Variants in TTC28 observed in about 807,000 individuals in gnomAD.
TTC28 encodes tetratricopeptide repeat protein 28.
A neutral mutation model predicts 198.0 loss-of-function variants in TTC28; 61 were observed. That is an observed-to-expected ratio of 0.31 (90% CI 0.25 to 0.38). The LOEUF is 0.38. Among genes scored for constraint, TTC28 ranks in the 10% least tolerant of loss-of-function variants. TTC28 has a pLI of 1.00. For synonymous variants in TTC28, 1,171 were observed against 1,297.8 expected (o/e 0.90, Z 2.10); for missense variants, 2,678 against 3,164.0 (o/e 0.85, Z 3.69).
intron 2 of TTC28, among the ~76,000 whole-genome samples, chr22:28,586,076 T>C (rs970952213): frequency 2.1e-4 from 32 of 151,664 alleles, no homozygotes; most frequent in Admixed American, 1.1e-3. Flanking sequence ...GTCAGGAGAT[T>C]GAGACCATCC....
intron 2 of TTC28, among the ~76,000 whole-genome samples, chr22:28,462,634 T>C (rs138474677): frequency 1.2e-4 from 19 of 152,352 alleles, no homozygotes; most frequent in African/African-American, 4.1e-4. Context: ...GGAAGTTCTA[T>C]GGCTTTCCTT....
intron 6 of TTC28, among the ~76,000 whole-genome samples, chr22:28,139,138 T>C (rs1038215779): frequency 2.0e-5 from 3 of 152,182 alleles, no homozygotes; most frequent in African/African-American, 7.2e-5. Context: ...CATTTAATGA[T>C]GCCTTCTGTG....
intron 2 of TTC28, among the ~76,000 whole-genome samples, chr22:28,464,473 C>T (rs1442655344): frequency 6.6e-6 from 1 of 152,170 alleles, no homozygotes; most frequent in African/African-American, 2.4e-5. Context: ...TCAGTAGCTT[C>T]ATTTTCCTGA....
intron 14 of TTC28, among the ~76,000 whole-genome samples, chr22:28,011,338 G>A (rs539320594): frequency 2.0e-4 from 30 of 152,312 alleles, no homozygotes; most frequent in East Asian, 5.8e-4. Context: ...GTTCACGCCC[G>A]TAATGCCAAC....
At chr22:28,656,927 AC>A (rs1249753422) in intron 1 of TTC28, among the ~76,000 whole-genome samples, 2 of 152,144 alleles carry the variant, frequency 1.3e-5, no homozygotes, top group Non-Finnish European at 2.9e-5. Context: ...ACAAAAAAAA[AC>A]AGTATCTAAC....
intron 2 of TTC28, among the ~76,000 whole-genome samples, chr22:28,383,928 G>C (rs149489078): frequency 2.6e-5 from 4 of 152,192 alleles, no homozygotes; most frequent in Non-Finnish European, 5.9e-5. Context: ...CTTTACCATG[G>C]CCTTCAAACC....
intron 2 of TTC28, among the ~76,000 whole-genome samples, chr22:28,362,096 A>C (rs557823292): frequency 6.6e-6 from 1 of 152,288 alleles, no homozygotes; most frequent in East Asian, 1.9e-4. Context: ...GAAGCCCACA[A>C]ATCATGGAGT....
intron 2 of TTC28, among the ~76,000 whole-genome samples, chr22:28,547,275 C>T (rs1358930996): frequency 6.6e-6 from 1 of 151,892 alleles, no homozygotes; most frequent in Non-Finnish European, 1.5e-5. Flanking sequence ...AGTAATGCTA[C>T]AATATTCCAT....
chr22:28,213,799 C>T (rs1475200005), intron 5 of TTC28, among the ~76,000 whole-genome samples: 3 of 151,858 alleles, frequency 2.0e-5, no homozygotes, highest in Non-Finnish European at 4.4e-5. Context: ...CATATGGAAC[C>T]AAAAAAGAGC....
intron 1 of TTC28, among the ~76,000 whole-genome samples, chr22:28,670,718 T>TATATATATATATATATAC (rs2051866071): frequency 6.7e-6 from 1 of 150,030 alleles, no homozygotes; most frequent in Non-Finnish European, 1.5e-5. Flanking sequence ...TATATATATA[T>TATATATATATATATATAC]ATATATGAGT....
At chr22:28,088,001 T>G (rs969184250) in intron 12 of TTC28, among the ~76,000 whole-genome samples, 5 of 151,990 alleles carry the variant, frequency 3.3e-5, no homozygotes, top group African/African-American at 4.8e-5. Flanking sequence ...CACTGCTCAA[T>G]GAAATAAAAG....
chr22:28,655,759 G>C (rs886681535), intron 1 of TTC28, among the ~76,000 whole-genome samples: 1 of 151,770 alleles, frequency 6.6e-6, no homozygotes, highest in Admixed American at 6.6e-5. Context: ...GCTGAGGCAG[G>C]AGAATGGCGT....
intron 5 of TTC28, among the ~76,000 whole-genome samples, chr22:28,274,596 C>G (rs1037711737): frequency 2.0e-5 from 3 of 152,046 alleles, no homozygotes; most frequent in South Asian, 4.1e-4. Flanking sequence ...ACAAGGAAAA[C>G]AAAAACAATC....
intron 5 of TTC28, among the ~76,000 whole-genome samples, chr22:28,225,026 A>T (rs1241570395): frequency 6.6e-6 from 1 of 152,116 alleles, no homozygotes; most frequent in Non-Finnish European, 1.5e-5. Context: ...TAAACAGGCT[A>T]TCCATTAACA....
At chr22:28,609,713 C>T (rs535534892) in intron 2 of TTC28, among the ~76,000 whole-genome samples, 7 of 152,036 alleles carry the variant, frequency 4.6e-5, no homozygotes, top group South Asian at 2.1e-4. Context: ...ATCCCAGTGG[C>T]GCCTGGAATG....
At chr22:28,579,402 A>G (rs2050199980) in intron 2 of TTC28, among the ~76,000 whole-genome samples, 1 of 149,254 alleles carries the variant, frequency 6.7e-6, no homozygotes, top group Non-Finnish European at 1.5e-5. Context: ...ATACATATAT[A>G]ACTATACATA....
chr22:28,185,108 G>A (rs1601442180), intron 5 of TTC28, among the ~76,000 whole-genome samples: 1 of 152,190 alleles, frequency 6.6e-6, no homozygotes. Context: ...TGAATATGTG[G>A]TACTAATGTC....
At chr22:28,349,912 A>G (rs1287664626) in intron 2 of TTC28, among the ~76,000 whole-genome samples, 1 of 152,232 alleles carries the variant, frequency 6.6e-6, no homozygotes, top group East Asian at 1.9e-4. Flanking sequence ...CCGAGTGCCC[A>G]ACACTTCTAA....
At chr22:28,389,834 C>G (rs971203947) in intron 2 of TTC28, among the ~76,000 whole-genome samples, 11 of 151,408 alleles carry the variant, frequency 7.3e-5, no homozygotes, top group Non-Finnish European at 1.2e-4. Context: ...TTTTGTGTCT[C>G]TATTACCTTC....
Sources: gnomAD v4.1 joint callset for allele counts (sites outside exome capture counted in the v4.1 genomes callset) on GRCh38, gnomAD v4.1.1 for gene constraint, MANE v1.5 for transcripts, NCBI Gene and HGNC (gene_info 2026-07-23, HGNC 2026-07-21) for gene names.